NOP58: variants seen among roughly 807,000 people sequenced by gnomAD.
NOP58 encodes the protein NOP58 ribonucleoprotein, also known as nucleolar protein 58.
A neutral mutation model predicts 71.2 loss-of-function variants in NOP58; 44 were observed. The ratio of observed to expected loss-of-function variants is 0.62; its 90% CI spans 0.49 to 0.79. NOP58 has a LOEUF of 0.79. Ranked by LOEUF, NOP58 falls within the 30% of genes least tolerant of loss-of-function variation. NOP58 has a pLI of 0.00. For synonymous variants in NOP58, 228 were observed against 200.3 expected, an observed-to-expected ratio of 1.14 and a Z score of -1.17; for missense variants, 538 against 620.2, an observed-to-expected ratio of 0.87 and a Z score of 1.41.
Position 202,292,810 on chromosome 2 carries a change from T to C in NOP58, c.814T>C (p.Tyr272His). ...IEISEYRTQLYEYLQNRMMAI... is the reference protein window; with the variant it reads ...IEISEYRTQLHEYLQNRMMAI... ...AATCTCTGAATATCGAACCCAGCTC[T>C]ATGAATATCTACAAAATCGAATGAT... Residue 272 changes from tyrosine to histidine, a missense_variant, in exon 9 of 15, where the codon TAT becomes CAT. Tyr to His is a moderately conservative substitution (Grantham distance 83). Coordinates refer to ENST00000264279, the MANE Select transcript of NOP58 (RefSeq NM_015934.5). The C allele has an allele frequency of 6.2e-7, 1 of 1,612,706 alleles. No homozygotes were observed.
At chr2:202,287,412 C>T (rs533292566) in intron 5 of NOP58, among the ~76,000 whole-genome samples, 2 of 151,994 alleles carry the variant, frequency 1.3e-5, no homozygotes, top group East Asian at 3.9e-4. Context: ...GTCATTCATA[C>T]ATAAACTCAT....
At chr2:202,273,030 C>T (rs1688535192) in intron 1 of NOP58, among the ~76,000 whole-genome samples, 1 of 152,100 alleles carries the variant, frequency 6.6e-6, no homozygotes, top group Non-Finnish European at 1.5e-5. Flanking sequence ...GAGGCTGAGG[C>T]AGGAGAATGA....
chr2:202,268,620 G>A (rs1298595015), intron 1 of NOP58, among the ~76,000 whole-genome samples: 2 of 149,568 alleles, frequency 1.3e-5, no homozygotes, highest in Non-Finnish European at 3.0e-5. Flanking sequence ...TTGTTTTTTT[G>A]TTTTTTTTGA....
chr2:202,286,875 A>C (rs975870686), intron 5 of NOP58, among the ~76,000 whole-genome samples: 1 of 152,202 alleles, frequency 6.6e-6, no homozygotes, highest in Non-Finnish European at 1.5e-5. Flanking sequence ...CCTATAATGC[A>C]CAGGGCAGCC....
intron 1 of NOP58, 145 bp downstream of exon 1, chr2:202,266,131 C>T: frequency 1.1e-6 from 1 of 880,974 alleles, no homozygotes. Context: ...GCCTTTACAC[C>T]TGAGAGCCAT....
chr2:202,296,879 G>A (rs537278314), intron 10 of NOP58, among the ~76,000 whole-genome samples: 7 of 152,090 alleles, frequency 4.6e-5, no homozygotes, highest in Admixed American at 1.3e-4. Context: ...GACTACAGGC[G>A]CCCGGCACCA....
chr2:202,275,085 A>T (rs761851946), intron 1 of NOP58, 28 bp from the exon 2 acceptor site: 10 of 1,179,928 alleles, frequency 8.5e-6, no homozygotes, highest in Non-Finnish European at 1.2e-5. Context: ...TACCATTTAA[A>T]TAAAACTATT....
chr2:202,280,130 A>G (rs1048468667), intron 3 of NOP58, among the ~76,000 whole-genome samples: 1 of 152,132 alleles, frequency 6.6e-6, no homozygotes, highest in Non-Finnish European at 1.5e-5. Flanking sequence ...TGCCTATTAT[A>G]AGGCAGTTTT....
intron 6 of NOP58, 108 bp downstream of exon 6, chr2:202,287,832 C>A: frequency 2.2e-6 from 2 of 896,524 alleles, no homozygotes; most frequent in African/African-American, 1.7e-5. Context: ...AGAAAGGAGG[C>A]CAGGTGTGGT....
intron 1 of NOP58, among the ~76,000 whole-genome samples, chr2:202,269,131 T>C (rs1437474324): frequency 2.6e-5 from 4 of 151,646 alleles, no homozygotes; most frequent in South Asian, 4.2e-4. Context: ...GACTACAGGC[T>C]CAAGCCACCA....
chr2:202,266,144 T>A (rs900065466), intron 1 of NOP58, among the ~76,000 whole-genome samples, 158 bp downstream of exon 1: 1 of 152,160 alleles, frequency 6.6e-6, no homozygotes. Context: ...AGAGCCATGT[T>A]ACGTGTAACA....
intron 13 of NOP58, among the ~76,000 whole-genome samples, chr2:202,301,685 A>G (rs1240639437): frequency 2.6e-5 from 4 of 152,050 alleles, no homozygotes; most frequent in African/African-American, 9.7e-5. Context: ...TGAACCTACT[A>G]TCCATCCACT....
intron 12 of NOP58, 66 bp downstream of exon 12, chr2:202,297,972 T>G (rs528750422): frequency 5.0e-6 from 5 of 1,004,580 alleles, no homozygotes; most frequent in Non-Finnish European, 5.7e-6. Flanking sequence ...ACAGTAATTT[T>G]TTATTGTAAA....
intron 13 of NOP58, among the ~76,000 whole-genome samples, chr2:202,300,862 C>T (rs566025090): frequency 3.3e-5 from 5 of 152,056 alleles, no homozygotes; most frequent in Admixed American, 6.6e-5. Context: ...AAGCAGGCGC[C>T]CCATTATTAG....
chr2:202,275,065 G>A (rs766273856), intron 1 of NOP58, 48 bp from the exon 2 acceptor site: 14 of 885,354 alleles, frequency 1.6e-5, no homozygotes, highest in South Asian at 4.6e-5. Context: ...AGCTGTATAT[G>A]CCTCACCTGT....
intron 1 of NOP58, 41 bp downstream of exon 1, chr2:202,266,027 C>T: frequency 6.2e-6 from 10 of 1,606,564 alleles, no homozygotes; most frequent in African/African-American, 1.3e-5. Context: ...AAGGCGGATG[C>T]TGGACAGACG....
At chr2:202,293,944 T>A (rs1014899125) in intron 9 of NOP58, among the ~76,000 whole-genome samples, 9 of 152,234 alleles carry the variant, frequency 5.9e-5, no homozygotes, top group Non-Finnish European at 1.3e-4. Flanking sequence ...TAAGATCAGA[T>A]GATTTCATTG....
chr2:202,279,788 C>T (rs1365246337), intron 3 of NOP58, among the ~76,000 whole-genome samples: 1 of 152,128 alleles, frequency 6.6e-6, no homozygotes. Flanking sequence ...AGCGAGACTC[C>T]TTCTGGAAAA....
Position 202,289,549 on chromosome 2 carries a change from C to T in NOP58, c.500-774C>T, listed in dbSNP as rs116807230. On this transcript the variant is annotated intron_variant, in intron 6 of 14. Transcript: ENST00000264279. ...CCATCCTCAGCCTCATACGTGTTTG[C>T]AAATACTCTGAAATACTTCTGGTCC... is the stretch of plus-strand genomic sequence containing the variant. 3.2e-3 allele frequency among the ~76,000 whole-genome samples: 492 copies of T among 152,302 alleles called. 3 individuals are homozygous for T. The highest frequency in any genetic ancestry group is 0.011 in the African/African-American group (460 of 41,572).
Sources: allele counts gnomAD v4.1 joint callset (sites outside exome capture counted in the v4.1 genomes callset), GRCh38; gene constraint gnomAD v4.1.1; transcripts MANE v1.5; gene names NCBI Gene and HGNC (gene_info 2026-07-23, HGNC 2026-07-21).